DYNLT5: variants seen among roughly 807,000 people sequenced by gnomAD.
The protein encoded by DYNLT5 is dynein light chain Tctex-type family member 5.
DYNLT5 carries 25 observed loss-of-function variants against 19.3 expected under a neutral mutation model. The observed-to-expected ratio is 1.30, with a 90% CI of 0.95 to 1.81. The LOEUF (loss-of-function observed/expected upper bound fraction) is 1.81. Among genes scored for constraint, DYNLT5 ranks in the 40% most tolerant of loss-of-function variants. DYNLT5 has a pLI of 0.00. For synonymous variants in DYNLT5, 82 were observed against 68.9 expected, an observed-to-expected ratio of 1.19 and a Z score of -0.94; for missense variants, 232 against 217.9, an observed-to-expected ratio of 1.06 and a Z score of -0.41.
At chr1:66,768,039 AAAT>A (rs1248750096) in intron 2 of DYNLT5, among the ~76,000 whole-genome samples, 1 of 152,250 alleles carries the variant, frequency 6.6e-6, no homozygotes. Flanking sequence ...TTTAGAAAGT[AAAT>A]AAGAGTCCCT....
chr1:66,759,138 T>A (rs1453235095), intron 2 of DYNLT5, among the ~76,000 whole-genome samples: 1 of 152,228 alleles, frequency 6.6e-6, no homozygotes. Flanking sequence ...CTGTGTAAGT[T>A]AAACAGACAA....
chr1:66,756,081 G>C (rs1048265419), intron 2 of DYNLT5, among the ~76,000 whole-genome samples: 4 of 152,014 alleles, frequency 2.6e-5, no homozygotes, highest in African/African-American at 7.2e-5. Flanking sequence ...AAGAATTAGA[G>C]ATCACTCTTT....
Position 66,776,382 on chromosome 1 carries a change from G to A in DYNLT5, c.315G>A (p.Gln105=). The A allele has an allele frequency of 6.2e-7, 1 of 1,602,800 alleles. No individual in the cohort carries two copies. The highest frequency in any genetic ancestry group is 8.5e-7 in the Non-Finnish European group (1 of 1,173,904). The change falls in exon 4 of 5, where the codon CAG becomes CAA. Residue 105 remains glutamine, a synonymous_variant. Transcript: ENST00000282670. Reference sequence around the variant, plus strand: ...AATATGAACCAGAGCTCTGTAGACAGATGACTAAAACCATTTCTGAGGTAC... The same window carrying A: ...AATATGAACCAGAGCTCTGTAGACAAATGACTAAAACCATTTCTGAGGTAC... ...VEEYEPELCR[Q]MTKTISEVIK...
intron 2 of DYNLT5, 151 bp downstream of exon 2, chr1:66,754,928 A>G: frequency 1.3e-6 from 1 of 746,810 alleles, no homozygotes; most frequent in Non-Finnish European, 1.9e-6. Flanking sequence ...ATATTTAAAA[A>G]GAAAGAGAAA....
chr1:66,774,490 A>G (rs1021073066), intron 3 of DYNLT5, among the ~76,000 whole-genome samples: 10 of 152,162 alleles, frequency 6.6e-5, no homozygotes, highest in Non-Finnish European at 1.5e-5. Context: ...AATAAAAATA[A>G]CGATTTATAG....
At chr1:66,768,802 T>C (rs1364657056) in intron 2 of DYNLT5, 1 of 152,200 alleles carries the variant, frequency 6.6e-6, no homozygotes, top group African/African-American at 2.4e-5. Context: ...ATTGTCCCTA[T>C]TTTCATTCTG....
chr1:66,757,065 C>T (rs1451485193), intron 2 of DYNLT5, among the ~76,000 whole-genome samples: 3 of 152,218 alleles, frequency 2.0e-5, no homozygotes, highest in Non-Finnish European at 4.4e-5. Context: ...ACTGCTTTTG[C>T]CTTCGATATG....
At chr1:66,760,884 A>G (rs2094644910) in intron 2 of DYNLT5, among the ~76,000 whole-genome samples, 1 of 152,218 alleles carries the variant, frequency 6.6e-6, no homozygotes, top group Non-Finnish European at 1.5e-5. Flanking sequence ...TTCTATCCAC[A>G]TACTTAAAAT....
At chr1:66,771,040 A>C (rs10493416) in intron 3 of DYNLT5, 18,864 of 157,250 alleles carry the variant, frequency 0.12, 1,216 homozygotes, top group South Asian at 0.16. Flanking sequence ...TTTCTCTAAA[A>C]GCGTACCTGC....
In DYNLT5 at chr1:66,775,436, C is replaced by A. The variant is rs1393241354; in HGVS notation, c.212-843C>A. 4 of 152,152 alleles carry A rather than the reference C, an allele frequency of 2.6e-5. No individual in the cohort carries two copies. In the East Asian group the frequency reaches 7.7e-4, roughly 29 times the overall value. The allele number at this position is 152,152 out of a possible 1,614,324, so 9.4% of individuals were successfully genotyped here. On this transcript the variant is annotated intron_variant, in intron 3 of 4. Transcript: ENST00000282670. ...ATGTATACAATATACAGTCATATAT[C>A]ATATATAATGATTATCTATAAAATT...
At chr1:66,773,414 G>A (rs1225180787) in intron 3 of DYNLT5, among the ~76,000 whole-genome samples, 1 of 152,158 alleles carries the variant, frequency 6.6e-6, no homozygotes, top group Non-Finnish European at 1.5e-5. Context: ...TCTCAGCATT[G>A]ATTTTACACC....
At chr1:66,762,713 G>A (rs1299574239) in intron 2 of DYNLT5, among the ~76,000 whole-genome samples, 1 of 152,182 alleles carries the variant, frequency 6.6e-6, no homozygotes, top group African/African-American at 2.4e-5. Flanking sequence ...TTTATGGGGT[G>A]AAAAGAAGTT....
intron 3 of DYNLT5, 21 bp downstream of exon 3, chr1:66,770,499 C>T (rs373990788): frequency 9.6e-6 from 15 of 1,560,418 alleles, no homozygotes; most frequent in Non-Finnish European, 1.2e-5. Flanking sequence ...TTATCTCTCA[C>T]TCCTATTTTA....
At chr1:66,766,249 CAAT>C (rs2150864286) in intron 2 of DYNLT5, among the ~76,000 whole-genome samples, 1 of 152,244 alleles carries the variant, frequency 6.6e-6, no homozygotes, top group African/African-American at 2.4e-5. Flanking sequence ...ATTCACTTTA[CAAT>C]GAGATCACGT....
rs1215179334 is a variant in DYNLT5, at chr1:66,777,369, C to A, written c.455C>A (p.Pro152His). 6.2e-7 allele frequency: 1 copy of A among 1,613,820 alleles called. No homozygotes were observed. The highest frequency in any genetic ancestry group is 1.3e-5 in the African/African-American group (1 of 74,918). Residue 152 changes from proline (P) to histidine (H), a missense_variant, in exon 5 of 5, where the codon CCT becomes CAT. Transcript: ENST00000282670. ...ATTGGAAGCAGATGCCTCTGGGATCCTAAAAGTGATACCTTTTCATCTTAT... is the reference window on the plus strand; with the variant it reads ...ATTGGAAGCAGATGCCTCTGGGATCATAAAAGTGATACCTTTTCATCTTAT... ...ILIGSRCLWD[P>H]KSDTFSSYVF... is the part of the protein sequence containing the mutation.
intron 2 of DYNLT5, among the ~76,000 whole-genome samples, chr1:66,758,176 G>C (rs1217772342): frequency 6.6e-6 from 1 of 152,156 alleles, no homozygotes; most frequent in Non-Finnish European, 1.5e-5. Flanking sequence ...GGCAATCCAT[G>C]TGTGATTTGC....
At chr1:66,771,198 C>G (rs1217287948) in intron 3 of DYNLT5, among the ~76,000 whole-genome samples, 1 of 152,226 alleles carries the variant, frequency 6.6e-6, no homozygotes, top group African/African-American at 2.4e-5. Flanking sequence ...AGCCTGTCCC[C>G]TCTGGCCTTG....
chr1:66,769,697 T>A (rs932975173), intron 2 of DYNLT5, among the ~76,000 whole-genome samples: 1 of 152,148 alleles, frequency 6.6e-6, no homozygotes, highest in African/African-American at 2.4e-5. Flanking sequence ...AATTAAGTAG[T>A]GCTGGAGAGA....
intron 3 of DYNLT5, among the ~76,000 whole-genome samples, chr1:66,772,385 A>C (rs1645209056): frequency 6.6e-6 from 1 of 152,218 alleles, no homozygotes. Flanking sequence ...ATAGAGGAAG[A>C]ACTATAGAGC....
Sources: allele counts gnomAD v4.1 joint callset (sites outside exome capture counted in the v4.1 genomes callset), GRCh38; gene constraint gnomAD v4.1.1; transcripts MANE v1.5; gene names NCBI Gene and HGNC (gene_info 2026-07-23, HGNC 2026-07-21).